The following TM7SF2 variants were observed in gnomAD, a reference collection of about 807,000 sequenced individuals.
The protein encoded by TM7SF2 is delta(14)-sterol reductase TM7SF2.
In TM7SF2, 51 loss-of-function variants were observed where a neutral mutation model predicts 51.0. The ratio of observed to expected loss-of-function variants is 1.00; its 90% confidence interval spans 0.80 to 1.26. The LOEUF (loss-of-function observed/expected upper bound fraction) is 1.26. Ranked by LOEUF, TM7SF2 falls within the 50% of genes most tolerant of loss-of-function variation. The probability of loss-of-function intolerance (pLI) is 0.00; values close to 1 mark genes in which losing one functional copy is unlikely to be tolerated. For synonymous variants in TM7SF2, 255 were observed against 241.0 expected (o/e 1.06, Z -0.54); for missense variants, 541 against 547.4 (o/e 0.99, Z 0.12).
intron 5 of TM7SF2, chr11:65,113,863 C>G (rs1947944187): frequency 2.0e-6 from 1 of 496,394 alleles, no homozygotes; most frequent in South Asian, 2.2e-5. Flanking sequence ...TCAGGGATGA[C>G]GTTAGGAGAG....
rs767202148 is a variant in TM7SF2 at position 65,115,326 on chromosome 11, A to C, written c.905A>C (p.Tyr302Ser). 3.7e-6 allele frequency: 6 copies of C among 1,614,108 alleles called. No homozygotes were observed. The highest frequency in any genetic ancestry group is 2.5e-6 in the Non-Finnish European group (3 of 1,180,006). ...ACTCTCTCACCAGCTACTGGTTACT[A>C]CATCTTCCGTGGGGCGAATTCCCAG... The part of the protein sequence containing the change: ...VICLINATGY[Y>S]IFRGANSQKN... Residue 302 changes from tyrosine to serine, a missense_variant, in exon 8 of 10, where the codon TAC becomes TCC. By Grantham distance (144) the Tyr-to-Ser change is moderately radical. Coordinates refer to ENST00000279263, the MANE Select transcript of TM7SF2 (RefSeq NM_003273.6).
chr11:65,112,239 G>T (rs891105419), intron 1 of TM7SF2, 172 bp downstream of exon 1: 4 of 717,350 alleles, frequency 5.6e-6, no homozygotes, highest in Non-Finnish European at 9.1e-6. Context: ...GCTGAGGAGG[G>T]GCCGGTTCTG....
At chr11:65,113,086 T>A in intron 3 of TM7SF2, 134 bp from the exon 4 acceptor site, 1 of 1,133,540 alleles carries the variant, frequency 8.8e-7, no homozygotes, top group Non-Finnish European at 1.2e-6. Flanking sequence ...GGGGTGATCC[T>A]CTGAAGGCCA....
Position 65,113,656 on chromosome 11 carries a change from G to C in TM7SF2, c.603+62G>C, listed in dbSNP as rs1316971063. 6 of 1,481,058 alleles carry C rather than the reference G, an allele frequency of 4.1e-6. No homozygotes were observed. The South Asian group carries it at 5.7e-5, about 14-fold the overall frequency. The allele number at this position is 1,481,058 out of a possible 1,614,324, so 91.7% of individuals were successfully genotyped here. ...GGGAGGGTTAGGGTGGGTGAGCAGC[G>C]CTTGGGCAGGGCAGGGCCAAAACTG... On this transcript the variant is annotated intron_variant, in intron 5 of 9. Transcript: ENST00000279263.
intron 3 of TM7SF2, 54 bp from the exon 4 acceptor site, chr11:65,113,166 G>A: frequency 6.7e-7 from 1 of 1,491,532 alleles, no homozygotes; most frequent in Non-Finnish European, 8.9e-7. Flanking sequence ...TGTGTTTGCG[G>A]GGTGGGGATG....
At chr11:65,113,168 G>A (rs1172296186) in intron 3 of TM7SF2, 52 bp from the exon 4 acceptor site, 1 of 1,495,600 alleles carries the variant, frequency 6.7e-7, no homozygotes, top group Non-Finnish European at 8.9e-7. Flanking sequence ...TGTTTGCGGG[G>A]TGGGGATGTG....
In TM7SF2 at chr11:65,115,593, C is replaced by T. The variant is rs1185975858; in HGVS notation, c.1091C>T (p.Pro364Leu). 1.2e-6 allele frequency: 2 copies of T among 1,613,966 alleles called. No homozygotes were observed. Among genetic ancestry groups the T allele is most frequent in the South Asian group, 1.1e-5 (1 of 91,070 alleles). ...ATCATGGCTCTGGCTTGGTCCTTGC[C>T]CTGCGGTGAGTGGCCCATGTGGATA... ...DLIMALAWSL[P>L]CGVSHLLPYF... is the part of the protein sequence containing the mutation. Residue 364 changes from proline (P) to leucine (L), a missense_variant, in exon 9 of 10, where the codon CCC becomes CTC. Coordinates refer to ENST00000279263, the MANE Select transcript of TM7SF2 (RefSeq NM_003273.6).
intron 8 of TM7SF2, 32 bp downstream of exon 8, chr11:65,115,426 T>A (rs751855327): frequency 3.1e-6 from 5 of 1,613,712 alleles, no homozygotes; most frequent in Non-Finnish European, 2.5e-6. Flanking sequence ...ATGGGTGAGG[T>A]GGGGCAGCTG....
intron 3 of TM7SF2, 121 bp downstream of exon 3, chr11:65,112,986 C>A: frequency 7.8e-7 from 1 of 1,274,012 alleles, no homozygotes; most frequent in Admixed American, 2.4e-5. Context: ...CTCTGTTACG[C>A]CCAGGACAGA....
Position 65,114,991 on chromosome 11 carries a change from C to T in TM7SF2, c.802C>T (p.Pro268Ser). 1 of 1,614,186 alleles carries T rather than the reference C, an allele frequency of 6.2e-7. No individual in the cohort carries two copies. Among genetic ancestry groups the T allele is most frequent in the African/African-American group, 1.3e-5 (1 of 75,060 alleles). ...MLAFGDMAWV[P>S]FTYSLQAQFL... ...GGCGTTTGGGGACATGGCCTGGGTG[C>T]CCTTCACCTACAGCCTGCAGGCCCA... The change falls in exon 7 of 10, where the codon CCC becomes TCC. Residue 268 changes from proline to serine, a missense_variant. Coordinates refer to ENST00000279263, the MANE Select transcript of TM7SF2 (RefSeq NM_003273.6).
chr11:65,116,151 C>T lies in TM7SF2; in HGVS notation c.*98C>T. 2.1e-6 allele frequency: 3 copies of T among 1,430,284 alleles called. No individual in the cohort carries two copies. Among genetic ancestry groups the T allele is most frequent in the South Asian group, 1.3e-5 (1 of 76,846 alleles). The allele number at this position is 1,430,284 out of a possible 1,614,324, so 88.6% of individuals were successfully genotyped here. ...CACACTTGGGACTCAAGGGCTTGCA[C>T]CCCACCCAGCCCTGAGGATGAACAA... On this transcript the variant is annotated 3_prime_UTR_variant, in exon 10 of 10. Transcript: ENST00000279263.
chr11:65,115,753 A>G, intron 9 of TM7SF2, 140 bp from the exon 10 acceptor site: 1 of 1,562,122 alleles, frequency 6.4e-7, no homozygotes, highest in Non-Finnish European at 8.8e-7. Flanking sequence ...GTGCCAACCT[A>G]GTACCGTGTG....
intron 1 of TM7SF2, 169 bp downstream of exon 1, chr11:65,112,236 A>C: frequency 1.4e-6 from 1 of 724,534 alleles, no homozygotes; most frequent in Non-Finnish European, 2.2e-6. Flanking sequence ...AGAGCTGAGG[A>C]GGGGCCGGTT....
In TM7SF2 at chr11:65,115,352, A is replaced by G. The variant is rs758681533; in HGVS notation, c.931A>G (p.Lys311Glu). The G allele has an allele frequency of 2.5e-6, 4 of 1,614,174 alleles. No homozygotes were observed. The East Asian group carries it at 8.9e-5, about 36-fold the overall frequency. Residue 311 changes from lysine (K) to glutamate (E), a missense_variant, in exon 8 of 10, where the codon AAA becomes GAA. Coordinates refer to ENST00000279263, the MANE Select transcript of TM7SF2 (RefSeq NM_003273.6). ...YYIFRGANSQKNTFRKNPSDP... is the reference protein window; with the variant it reads ...YYIFRGANSQENTFRKNPSDP... Reference sequence around the variant, plus strand: ...CATCTTCCGTGGGGCGAATTCCCAGAAAAACACTTTCCGAAAGAATCCTTC... The same window carrying G: ...CATCTTCCGTGGGGCGAATTCCCAGGAAAACACTTTCCGAAAGAATCCTTC...
chr11:65,114,414 G>C (rs1353034865), intron 5 of TM7SF2, among the ~76,000 whole-genome samples: 1 of 152,194 alleles, frequency 6.6e-6, no homozygotes, highest in African/African-American at 2.4e-5. Flanking sequence ...TTTTCACACA[G>C]GGGTGGGGGA....
intron 5 of TM7SF2, among the ~76,000 whole-genome samples, chr11:65,114,315 C>T (rs1947948835): frequency 6.6e-6 from 1 of 151,424 alleles, no homozygotes; most frequent in Admixed American, 6.6e-5. Context: ...GCTAGCCACA[C>T]TGAGCACGTA....
intron 9 of TM7SF2, 135 bp from the exon 10 acceptor site, chr11:65,115,758 C>G (rs766297848): frequency 1.3e-5 from 20 of 1,563,506 alleles, no homozygotes; most frequent in Non-Finnish European, 1.7e-5. Context: ...AACCTAGTAC[C>G]GTGTGCTTTG....
In TM7SF2 at chr11:65,116,006, G is replaced by C; in HGVS notation, c.1210G>C (p.Glu404Gln). ...GCAGAAGTACGGCCTGGCCTGGCAG[G>C]AGTACTGCCGGCGTGTGCCTTACCG... is the stretch of plus-strand genomic sequence containing the variant. ...CLQKYGLAWQ[E>Q]YCRRVPYRIM... The change falls in exon 10 of 10, where the codon GAG (glutamate) becomes CAG (glutamine). Residue 404 changes from glutamate (E) to glutamine (Q), a missense_variant. Glu to Gln is a conservative substitution (Grantham distance 29, BLOSUM62 2). Coordinates refer to ENST00000279263, the MANE Select transcript of TM7SF2 (RefSeq NM_003273.6). 6.2e-7 allele frequency: 1 copy of C among 1,612,368 alleles called. No homozygotes were observed. The highest frequency in any genetic ancestry group is 1.1e-5 in the South Asian group (1 of 91,056).
In TM7SF2 at chr11:65,114,697, T is replaced by C; in HGVS notation, c.604-16T>C. ...GCCACTTCTGTGGAGACTATTGCCT[T>C]GTTCCCTCTCCCCAGGTCCTCATCA... On this transcript the variant is annotated splice_polypyrimidine_tract_variant and intron_variant, in intron 5 of 9. Transcript: ENST00000279263. The C allele has an allele frequency of 6.2e-7, 1 of 1,613,030 alleles. No homozygotes were observed. The highest frequency in any genetic ancestry group is 1.1e-5 in the South Asian group (1 of 90,836).
Sources: allele counts gnomAD v4.1 joint callset (sites outside exome capture counted in the v4.1 genomes callset), GRCh38; gene constraint gnomAD v4.1.1; transcripts MANE v1.5; gene names NCBI Gene and HGNC (gene_info 2026-07-23, HGNC 2026-07-21).